Variants in CGGBP1 observed in about 807,000 individuals in gnomAD.
CGGBP1 encodes the protein CGG triplet repeat-binding protein 1.
In CGGBP1, 4 loss-of-function variants were observed where a neutral mutation model predicts 11.4. The ratio of observed to expected loss-of-function variants is 0.35; its 90% CI spans 0.17 to 0.80. CGGBP1 has a LOEUF of 0.80. Ranked by LOEUF, CGGBP1 falls within the 30% of genes least tolerant of loss-of-function variation. The pLI, the probability that CGGBP1 is intolerant of heterozygous loss-of-function variation, is 0.52. For missense variants in CGGBP1, 135 were observed against 202.1 expected, an observed-to-expected ratio of 0.67 and a Z score of 2.01; for synonymous variants, 76 against 74.1, an observed-to-expected ratio of 1.03 and a Z score of -0.13.
At chr3:88,126,796 G>T (rs943705819) in intron 2 of CGGBP1, among the ~76,000 whole-genome samples, 2 of 152,124 alleles carry the variant, frequency 1.3e-5, no homozygotes, top group South Asian at 4.2e-4. Flanking sequence ...CATGATGAAT[G>T]TGTGAGTGAA....
chr3:88,129,923 A>C, intron 2 of CGGBP1: 1 of 1,147,630 alleles, frequency 8.7e-7, no homozygotes, highest in Non-Finnish European at 1.1e-6. Flanking sequence ...TGAAAATGTC[A>C]AGCTACTTTT....
intron 2 of CGGBP1, chr3:88,139,645 C>A: frequency 6.2e-7 from 1 of 1,612,524 alleles, no homozygotes; most frequent in East Asian, 2.2e-5. Flanking sequence ...GAGCATGTGG[C>A]TGAATTCATT....
At chr3:88,082,665 A>C (rs961454242) in intron 2 of CGGBP1, among the ~76,000 whole-genome samples, 1 of 152,186 alleles carries the variant, frequency 6.6e-6, no homozygotes, top group Admixed American at 6.5e-5. Context: ...AGATATGAAG[A>C]TCATTGTTTG....
chr3:88,093,762 T>C (rs1258598097), intron 2 of CGGBP1, among the ~76,000 whole-genome samples: 3 of 152,228 alleles, frequency 2.0e-5, no homozygotes, highest in Admixed American at 6.5e-5. Context: ...TTTTACTTGA[T>C]TGCATTTATA....
At chr3:88,101,045 C>T (rs1415748968) in intron 2 of CGGBP1, among the ~76,000 whole-genome samples, 3 of 152,160 alleles carry the variant, frequency 2.0e-5, no homozygotes, top group African/African-American at 7.2e-5. Context: ...CAACAGTTAT[C>T]AGTATATTGT....
At chr3:88,146,736 G>C (rs1364868318) in intron 1 of CGGBP1, among the ~76,000 whole-genome samples, 1 of 151,930 alleles carries the variant, frequency 6.6e-6, no homozygotes, top group Non-Finnish European at 1.5e-5. Flanking sequence ...CGTTTTACTG[G>C]TTGTTCACCT....
intron 2 of CGGBP1, among the ~76,000 whole-genome samples, chr3:88,136,910 G>A (rs994650452): frequency 1.3e-5 from 2 of 152,050 alleles, no homozygotes; most frequent in Non-Finnish European, 2.9e-5. Context: ...GATAGAGGAT[G>A]TAGGCTGGGC....
chr3:88,056,236 AAATT>A lies in CGGBP1; in HGVS notation c.-23-241_-23-238del, dbSNP rs1706538335. ...TCCTTGATTTTTACGAAATTCAAGTAAATTAGACTATAAAGAAAGAACTCAAACT... is the reference window on the plus strand; with the variant it reads ...TCCTTGATTTTTACGAAATTCAAGTAAGACTATAAAGAAAGAACTCAAACT... On this transcript the variant is annotated intron_variant, in intron 3 of 3. Coordinates refer to ENST00000482016, the MANE Select transcript of CGGBP1 (RefSeq NM_001008390.2). The A allele has an allele frequency of 5.3e-5, 19 of 357,598 alleles. No individual in the cohort carries two copies. The East Asian group carries it at 8.9e-4, about 17-fold the overall frequency. The allele number at this position is 357,598 out of a possible 1,614,324, so 22.2% of individuals were successfully genotyped here. A position where few individuals can be genotyped will look rare whatever the true frequency, so the allele number is the denominator to read the frequency against.
intron 2 of CGGBP1, among the ~76,000 whole-genome samples, chr3:88,119,974 AT>A (rs1312625330): frequency 1.3e-5 from 2 of 152,198 alleles, no homozygotes; most frequent in East Asian, 3.8e-4. Flanking sequence ...CTTTTTACTT[AT>A]TAAACAAGGA....
rs72925808 is a variant in CGGBP1 at position 88,130,496 on chromosome 3, G to A, written c.-229+10474C>T. Among the ~76,000 whole-genome samples, 1,364 of 152,082 alleles carry A rather than the reference G, an allele frequency of 9.0e-3. 27 individuals carry two copies. Among genetic ancestry groups the A allele is most frequent in the African/African-American group, 0.032 (1,316 of 41,488 alleles). ...AGACAGGGTTTCACTGTGTCTCTCAGGCTAGAATACAGTGGTGCGATCATG... is the reference window on the plus strand; with the variant it reads ...AGACAGGGTTTCACTGTGTCTCTCAAGCTAGAATACAGTGGTGCGATCATG... On this transcript the variant is annotated intron_variant, in intron 2 of 3. Coordinates refer to the CGGBP1 transcript ENST00000462901.
chr3:88,059,287 AG>A (rs1559680919), upstream of CGGBP1: 1 of 1,531,484 alleles, frequency 6.5e-7, no homozygotes. Flanking sequence ...GCGGCGGCGC[AG>A]GGGCTGGTAC....
chr3:88,088,260 T>C (rs1182259038), intron 2 of CGGBP1, among the ~76,000 whole-genome samples: 1 of 152,204 alleles, frequency 6.6e-6, no homozygotes, highest in African/African-American at 2.4e-5. Flanking sequence ...TATTTACATA[T>C]GGCCTGGTTT....
At chr3:88,069,907 A>G (rs1707412012) in intron 2 of CGGBP1, among the ~76,000 whole-genome samples, 1 of 152,226 alleles carries the variant, frequency 6.6e-6, no homozygotes, top group Non-Finnish European at 1.5e-5. Flanking sequence ...GTCTCTCCAT[A>G]TTTAGATTTA....
chr3:88,078,837 A>G (rs969791487), intron 2 of CGGBP1, among the ~76,000 whole-genome samples: 3 of 152,074 alleles, frequency 2.0e-5, no homozygotes, highest in African/African-American at 7.2e-5. Flanking sequence ...ACTGTTGACT[A>G]AAGAATACTG....
intron 2 of CGGBP1, among the ~76,000 whole-genome samples, chr3:88,081,235 T>C (rs1251314686): frequency 6.6e-6 from 1 of 152,238 alleles, no homozygotes; most frequent in East Asian, 1.9e-4. Context: ...TTCATGATGA[T>C]AATGTATTTT....
Position 88,092,579 on chromosome 3 carries a change from C to G in CGGBP1, c.-228-34356G>C, listed in dbSNP as rs1319497755. On this transcript the variant is annotated intron_variant, in intron 2 of 3. Transcript: ENST00000462901. ...ATGGCAAACAGAATGTTTAAGGCAC[C>G]TGGATATTAACAGATTTCAATATAT... 3.3e-5 allele frequency among the ~76,000 whole-genome samples: 5 copies of G among 152,142 alleles called. No homozygotes were observed. In the East Asian group the frequency reaches 9.7e-4, roughly 29 times the overall value.
intron 2 of CGGBP1, chr3:88,086,447 T>G: frequency 2.2e-6 from 3 of 1,375,986 alleles, no homozygotes; most frequent in South Asian, 3.5e-5. Flanking sequence ...TTTCTTGATG[T>G]GTTTGAGAAT....
chr3:88,128,221 TATTA>T (rs959183103), intron 2 of CGGBP1, among the ~76,000 whole-genome samples: 3 of 152,268 alleles, frequency 2.0e-5, no homozygotes, highest in South Asian at 2.1e-4. Flanking sequence ...TTGTGTAAAG[TATTA>T]ATTAGTAATT....
chr3:88,087,518 A>G (rs1455319020), intron 2 of CGGBP1, among the ~76,000 whole-genome samples: 1 of 152,244 alleles, frequency 6.6e-6, no homozygotes, highest in African/African-American at 2.4e-5. Flanking sequence ...AATGAAAATA[A>G]ATAGAGAAAG....
Sources: allele counts gnomAD v4.1 joint callset (sites outside exome capture counted in the v4.1 genomes callset), GRCh38; gene constraint gnomAD v4.1.1; transcripts MANE v1.5; gene names NCBI Gene and HGNC (gene_info 2026-07-23, HGNC 2026-07-21).